BEAN1: variants seen among roughly 807,000 people sequenced by gnomAD.
BEAN1 encodes the protein brain expressed associated with NEDD4 1.
BEAN1 carries 17 observed loss-of-function variants against 17.7 expected under a neutral mutation model. The ratio of observed to expected loss-of-function variants is 0.96; its 90% CI spans 0.66 to 1.44. The LOEUF (loss-of-function observed/expected upper bound fraction) is 1.44, where lower values mean the gene tolerates loss of function less well. Ranked by LOEUF, BEAN1 falls within the 40% of genes most tolerant of loss-of-function variation. The probability of loss-of-function intolerance (pLI) is 0.00; values close to 1 mark genes in which losing one functional copy is unlikely to be tolerated. For missense variants in BEAN1, 359 were observed against 374.1 expected, an observed-to-expected ratio of 0.96 and a Z score of 0.33; for synonymous variants, 142 against 151.8, an observed-to-expected ratio of 0.94 and a Z score of 0.47.
At chr16:66,472,028 C>A (rs992282114) in intron 3 of BEAN1, among the ~76,000 whole-genome samples, 1 of 152,238 alleles carries the variant, frequency 6.6e-6, no homozygotes, top group Non-Finnish European at 1.5e-5. Context: ...TTTCCAGTCC[C>A]CTGTCCATGC....
intron 2 of BEAN1, among the ~76,000 whole-genome samples, chr16:66,457,289 T>G (rs1279754497): frequency 6.6e-6 from 1 of 152,196 alleles, no homozygotes; most frequent in African/African-American, 2.4e-5. Flanking sequence ...GTTGAGTAGA[T>G]GCATAGATAG....
intron 4 of BEAN1, among the ~76,000 whole-genome samples, chr16:66,480,265 C>T (rs1311466890): frequency 6.6e-6 from 1 of 152,136 alleles, no homozygotes; most frequent in African/African-American, 2.4e-5. Context: ...TCTGCACACC[C>T]AGTGCGCTGC....
intron 2 of BEAN1, among the ~76,000 whole-genome samples, chr16:66,469,149 G>A (rs1405716600): frequency 3.3e-5 from 5 of 152,182 alleles, no homozygotes; most frequent in South Asian, 2.1e-4. Flanking sequence ...GCCTGAAGCC[G>A]GCAGAATCGT....
chr16:66,429,345 T>C (rs1416231316), intron 1 of BEAN1, among the ~76,000 whole-genome samples: 1 of 152,108 alleles, frequency 6.6e-6, no homozygotes, highest in Non-Finnish European at 1.5e-5. Flanking sequence ...GAGCAGGGTG[T>C]CCCCAGGAAG....
At chr16:66,458,980 G>A (rs1213865067) in intron 2 of BEAN1, among the ~76,000 whole-genome samples, 2 of 152,218 alleles carry the variant, frequency 1.3e-5, no homozygotes, top group Non-Finnish European at 2.9e-5. Flanking sequence ...TCTGTGGAAT[G>A]GGAATAATAC....
At position 66,445,646 on chromosome 16, in the gene BEAN1, A is replaced by G. The variant is rs374559361; in HGVS notation, c.25+7945A>G. ...GGGTCCAGGCAGAGGATTCTGAATC[A>G]GGAGCAGGTTTGGCTTGATCCATCA... On this transcript the variant is annotated intron_variant, in intron 2 of 4. Coordinates refer to ENST00000536005, the MANE Select transcript of BEAN1 (RefSeq NM_001178020.3). 1.2e-4 allele frequency among the ~76,000 whole-genome samples: 18 copies of G among 152,252 alleles called. No homozygotes were observed. In the East Asian group the frequency reaches 2.1e-3, roughly 18 times the overall value.
intron 2 of BEAN1, among the ~76,000 whole-genome samples, chr16:66,441,248 C>G (rs1262036449): frequency 6.6e-6 from 1 of 152,144 alleles, no homozygotes; most frequent in African/African-American, 2.4e-5. Context: ...TGGACAGCCT[C>G]CATGGCTCAC....
At chr16:66,437,976 G>T (rs1962097090) in intron 2 of BEAN1, 5 of 567,796 alleles carry the variant, frequency 8.8e-6, no homozygotes, top group Non-Finnish European at 1.6e-5. Flanking sequence ...ATGTTAATGG[G>T]ATGACACACA....
intron 3 of BEAN1, among the ~76,000 whole-genome samples, chr16:66,474,557 AGAGGGAGGGAGAGAGG>A (rs1963619236): frequency 1.3e-5 from 1 of 75,932 alleles, no homozygotes; most frequent in African/African-American, 5.7e-5. Context: ...AGGGAGGGAG[AGAGGGAGGGAGAGAGG>A]GAGGGAGAGA....
Position 66,480,566 on chromosome 16 carries a change from G to C in BEAN1, c.441-20G>C. 1 of 1,505,680 alleles carries C rather than the reference G, an allele frequency of 6.6e-7. No homozygotes were observed. Among genetic ancestry groups the C allele is most frequent in the Non-Finnish European group, 9.0e-7 (1 of 1,116,050 alleles). The allele number at this position is 1,505,680 out of a possible 1,614,324, so 93.3% of individuals were successfully genotyped here. ...CCCTAAGGCCTAGGTGGGGCACTGA[G>C]GGAGCCTCTTCTCTCGTAGCTACGA... On this transcript the variant is annotated intron_variant, in intron 4 of 4. Coordinates refer to ENST00000536005, the MANE Select transcript of BEAN1 (RefSeq NM_001178020.3).
rs191438680 is a variant in BEAN1 at position 66,429,744 on chromosome 16, C to T, written c.-83+2313C>T. Among the ~76,000 whole-genome samples, 400 of 152,294 alleles carry T rather than the reference C, an allele frequency of 2.6e-3. 1 individual carries two copies. The highest frequency in any genetic ancestry group is 5.0e-3 in the Admixed American group (77 of 15,296). On this transcript the variant is annotated intron_variant, in intron 1 of 4. Transcript: ENST00000536005. ...CCCATTCACCCACTAGGGGTCACGT[C>T]GCTGTGTCTTCCAAAATCCTCACTC... is the stretch of plus-strand genomic sequence containing the variant.
At chr16:66,446,706 C>T (rs1325303139) in intron 2 of BEAN1, among the ~76,000 whole-genome samples, 1 of 152,116 alleles carries the variant, frequency 6.6e-6, no homozygotes, top group African/African-American at 2.4e-5. Flanking sequence ...AAAATGATTT[C>T]TGTATCTAGA....
intron 4 of BEAN1, among the ~76,000 whole-genome samples, chr16:66,491,890 C>A (rs184815702): frequency 2.2e-4 from 34 of 152,296 alleles, no homozygotes; most frequent in African/African-American, 7.7e-4. Flanking sequence ...AGACCATAGA[C>A]CAGTACTGGT....
chr16:66,477,775 C>T (rs1963815685), intron 4 of BEAN1, 65 bp downstream of exon 4: 3 of 1,420,068 alleles, frequency 2.1e-6, no homozygotes, highest in East Asian at 5.4e-5. Flanking sequence ...GACCCCCCAA[C>T]TCCATCATGG....
intron 1 of BEAN1, among the ~76,000 whole-genome samples, chr16:66,433,082 CTTTAT>C (rs1961866175): frequency 2.0e-5 from 3 of 152,022 alleles, no homozygotes; most frequent in African/African-American, 7.3e-5. Context: ...GCATCAGGGA[CTTTAT>C]TTTATTTATT....
intron 2 of BEAN1, among the ~76,000 whole-genome samples, chr16:66,460,804 G>A (rs1180692887): frequency 2.6e-5 from 4 of 152,192 alleles, no homozygotes; most frequent in Non-Finnish European, 2.9e-5. Context: ...AAGAGCACAG[G>A]GCTTCAGTTT....
downstream of BEAN1, among the ~76,000 whole-genome samples, chr16:66,486,482 T>C (rs1964091022): frequency 6.6e-6 from 1 of 152,188 alleles, no homozygotes; most frequent in African/African-American, 2.4e-5. Flanking sequence ...CTTGAACTCC[T>C]GACCTCAGGT....
At chr16:66,437,743 C>G (rs1176570204) in intron 2 of BEAN1, 42 bp downstream of exon 2, 1 of 1,519,734 alleles carries the variant, frequency 6.6e-7, no homozygotes, top group East Asian at 2.4e-5. Flanking sequence ...TGGGGCCAGG[C>G]AAGGGCAGAG....
chr16:66,479,309 G>A (rs1963894375), intron 4 of BEAN1, among the ~76,000 whole-genome samples: 2 of 152,094 alleles, frequency 1.3e-5, no homozygotes, highest in Non-Finnish European at 1.5e-5. Flanking sequence ...GGAGGTGGAG[G>A]TGCACAGATG....
Sources: gnomAD v4.1 joint callset for allele counts (sites outside exome capture counted in the v4.1 genomes callset) on GRCh38, gnomAD v4.1.1 for gene constraint, MANE v1.5 for transcripts, NCBI Gene and HGNC (gene_info 2026-07-23, HGNC 2026-07-21) for gene names.